UGT1A5: variants seen among roughly 807,000 people sequenced by gnomAD.
The protein encoded by UGT1A5 is UDP-glucuronosyltransferase 1A5.
In UGT1A5, 29 loss-of-function variants were observed where a neutral mutation model predicts 40.3. The ratio of observed to expected loss-of-function variants is 0.72; its 90% CI spans 0.54 to 0.98. The LOEUF is 0.98. Ranked by LOEUF, UGT1A5 falls within the 50% of genes least tolerant of loss-of-function variation. The pLI is 0.00. For missense variants in UGT1A5, 678 were observed against 677.9 expected (o/e 1.00, Z 0.00); for synonymous variants, 257 against 262.5 (o/e 0.98, Z 0.20).
chr2:233,713,287 C>G lies in UGT1A5; in HGVS notation c.296C>G (p.Ser99Trp), dbSNP rs28946880. Residue 99 changes from serine (S) to tryptophan (W), a missense_variant, in exon 1 of 5, where the codon TCG (serine) becomes TGG (tryptophan). Coordinates refer to ENST00000373414, the MANE Select transcript of UGT1A5 (RefSeq NM_019078.2). Reference sequence around the variant, plus strand: ...CGCCTTTTGCTGGGTCACACTCAATCGTTCTTTGAAACAGAACATCTTCTG... The same window carrying G: ...CGCCTTTTGCTGGGTCACACTCAATGGTTCTTTGAAACAGAACATCTTCTG... ...FDRLLLGHTQSFFETEHLLMK... is the reference protein window; with the variant it reads ...FDRLLLGHTQWFFETEHLLMK... 2 of 1,614,230 alleles carry G rather than the reference C, an allele frequency of 1.2e-6. No individual in the cohort carries two copies. Among genetic ancestry groups the G allele is most frequent in the Non-Finnish European group, 1.7e-6 (2 of 1,180,046 alleles).
chr2:233,756,820 AG>A, intron 1 of UGT1A5, among the ~76,000 whole-genome samples: 1 of 152,190 alleles, frequency 6.6e-6, no homozygotes, highest in African/African-American at 2.4e-5. Context: ...CTCAATTCCA[AG>A]GGGAAAATGA....
intron 1 of UGT1A5, chr2:233,743,549 A>C: frequency 2.2e-6 from 3 of 1,367,168 alleles, no homozygotes; most frequent in Non-Finnish European, 2.9e-6. Flanking sequence ...TGACCCCCCC[A>C]AAATATTCTC....
chr2:233,769,742 C>A lies in UGT1A5; in HGVS notation c.1307+1303C>A, dbSNP rs2126047976. 6.9e-7 allele frequency: 1 copy of A among 1,450,742 alleles called. No individual in the cohort carries two copies. Among genetic ancestry groups the A allele is most frequent in the Non-Finnish European group, 9.1e-7 (1 of 1,100,114 alleles). The allele number at this position is 1,450,742 out of a possible 1,614,324, so 89.9% of individuals were successfully genotyped here. ...CCATGGCACACGCCTGTAGTCCCAG[C>A]CACTCTGGAGGCTAAGGCGGGAGGA... On this transcript the variant is annotated intron_variant, in intron 4 of 4. Coordinates refer to ENST00000373414, the MANE Select transcript of UGT1A5 (RefSeq NM_019078.2). This position sits in a 1 kb window ranked among gnomAD's most constrained non-coding sequence, Gnocchi z 4.4.
chr2:233,717,244 T>C (rs3806594), intron 1 of UGT1A5, among the ~76,000 whole-genome samples: 15,396 of 152,020 alleles, frequency 0.1, 884 homozygotes, highest in East Asian at 0.2. Flanking sequence ...ATGCAGACAG[T>C]TTTAAGGGGG....
intron 1 of UGT1A5, chr2:233,761,138 A>G (rs1697686398): frequency 7.4e-6 from 12 of 1,614,200 alleles, no homozygotes; most frequent in Non-Finnish European, 1.0e-5. Context: ...CTTCACCAAA[A>G]TCCACTATCC....
chr2:233,772,147 T>C, intron 4 of UGT1A5, 115 bp from the exon 5 acceptor site: 1 of 1,552,928 alleles, frequency 6.4e-7, no homozygotes, highest in East Asian at 2.4e-5. Flanking sequence ...TAGAAACAGG[T>C]TTCCTTTCCC....
At chr2:233,738,536 G>A (rs919833416) in intron 1 of UGT1A5, among the ~76,000 whole-genome samples, 2 of 152,222 alleles carry the variant, frequency 1.3e-5, no homozygotes, top group Non-Finnish European at 2.9e-5. Context: ...TGAAGTCCAG[G>A]CTGAGTCTCA....
chr2:233,731,298 T>TA (rs199583438), intron 1 of UGT1A5, among the ~76,000 whole-genome samples: 1 of 149,198 alleles, frequency 6.7e-6, no homozygotes, highest in Non-Finnish European at 1.5e-5. Context: ...TTTTTTTTTT[T>TA]ATTATACTTT....
chr2:233,719,313 C>T (rs745591224), intron 1 of UGT1A5: 2 of 1,613,954 alleles, frequency 1.2e-6, no homozygotes, highest in Non-Finnish European at 8.5e-7. Flanking sequence ...GGCTAAGTAC[C>T]TGTCGATTCC....
intron 1 of UGT1A5, among the ~76,000 whole-genome samples, chr2:233,764,478 C>G (rs370150887): frequency 6.6e-6 from 1 of 152,082 alleles, no homozygotes; most frequent in Non-Finnish European, 1.5e-5. Context: ...TATTTAACTT[C>G]GAATGTTTAT....
chr2:233,715,167 C>T (rs767247099), intron 1 of UGT1A5, among the ~76,000 whole-genome samples: 6 of 152,042 alleles, frequency 3.9e-5, no homozygotes, highest in Non-Finnish European at 7.4e-5. Flanking sequence ...ATTACAGGCG[C>T]GAGCCACCAC....
chr2:233,723,002 G>A (rs1315511515), intron 1 of UGT1A5, among the ~76,000 whole-genome samples: 4 of 146,840 alleles, frequency 2.7e-5, no homozygotes, highest in Non-Finnish European at 4.5e-5. Context: ...GGCAGAGGCA[G>A]AAGAGGATGA....
intron 1 of UGT1A5, among the ~76,000 whole-genome samples, chr2:233,730,871 C>T (rs1197291212): frequency 6.6e-6 from 1 of 152,088 alleles, no homozygotes; most frequent in Non-Finnish European, 1.5e-5. Context: ...TACTGCACTC[C>T]AGGTTTCTAT....
At chr2:233,724,223 C>T (rs2077191141) in intron 1 of UGT1A5, among the ~76,000 whole-genome samples, 1 of 128,414 alleles carries the variant, frequency 7.8e-6, no homozygotes, top group Admixed American at 7.3e-5. Flanking sequence ...CCTCACTTCC[C>T]AGTAGGGGCG....
chr2:233,755,274 G>T, intron 1 of UGT1A5: 1 of 734,282 alleles, frequency 1.4e-6, no homozygotes, highest in Non-Finnish European at 2.1e-6. Flanking sequence ...CACTATGCTG[G>T]ACTGCCAAAG....
In UGT1A5 at chr2:233,772,377, C is replaced by T. The variant is rs72551359; in HGVS notation, c.1423C>T (p.Leu475=). The T allele has an allele frequency of 6.2e-7, 1 of 1,614,256 alleles. No homozygotes were observed. Among genetic ancestry groups the T allele is most frequent in the Non-Finnish European group, 8.5e-7 (1 of 1,180,050 alleles). The change falls in exon 5 of 5, where the codon CTG becomes TTG. Residue 475 remains leucine (L), a synonymous_variant. Coordinates refer to ENST00000373414, the MANE Select transcript of UGT1A5 (RefSeq NM_019078.2). The stretch of plus-strand genomic sequence containing the variant: ...GATGAGGCACAAGGGCGCGCCACAC[C>T]TGCGCCCCGCAGCCCACGACCTCAC... ...FVMRHKGAPH[L]RPAAHDLTWY...
chr2:233,754,878 C>G (rs1478307261), intron 1 of UGT1A5: 1 of 1,352,412 alleles, frequency 7.4e-7, no homozygotes, highest in Non-Finnish European at 9.9e-7. Context: ...GCTTCTGCTT[C>G]CCAGGGAGTT....
At chr2:233,739,918 T>C (rs1575632669) in intron 1 of UGT1A5, among the ~76,000 whole-genome samples, 1 of 151,914 alleles carries the variant, frequency 6.6e-6, no homozygotes, top group East Asian at 1.9e-4. Flanking sequence ...GTAATTTCCA[T>C]AATCCCCATG....
At chr2:233,732,949 A>G (rs1182362779) in intron 1 of UGT1A5, among the ~76,000 whole-genome samples, 5 of 152,116 alleles carry the variant, frequency 3.3e-5, no homozygotes, top group African/African-American at 1.2e-4. Flanking sequence ...TGAGCATGGA[A>G]TGTTCTTCCA....
Sources: gnomAD v4.1 joint callset for allele counts (sites outside exome capture counted in the v4.1 genomes callset) on GRCh38, gnomAD v4.1.1 for gene constraint, Gnocchi (gnomAD v3.1) non-coding constraint, MANE v1.5 for transcripts, NCBI Gene and HGNC (gene_info 2026-07-23, HGNC 2026-07-21) for gene names.